The following LATS2 variants were observed in gnomAD, a reference collection of about 807,000 sequenced individuals.
LATS2 encodes large tumor suppressor kinase 2.
A neutral mutation model predicts 76.0 loss-of-function variants in LATS2; 24 were observed. That is an observed-to-expected ratio of 0.32 (90% CI 0.23 to 0.44). LATS2 has a LOEUF of 0.44. LATS2 is among the 20% of genes least tolerant of loss of function. LATS2 has a pLI of 1.00. For synonymous variants in LATS2, 692 were observed against 635.4 expected (o/e 1.09, Z -1.34); for missense variants, 1,286 against 1,481.2 (o/e 0.87, Z 2.16).
chr13:20,977,450 C>G (rs977656931), intron 7 of LATS2, among the ~76,000 whole-genome samples: 2 of 150,070 alleles, frequency 1.3e-5, no homozygotes, highest in Non-Finnish European at 2.9e-5. Flanking sequence ...AGAAGAGAGG[C>G]GAGCAGGTGC....
chr13:21,047,080 G>A (rs1031657310), intron 1 of LATS2, among the ~76,000 whole-genome samples: 1 of 152,078 alleles, frequency 6.6e-6, no homozygotes, highest in Non-Finnish European at 1.5e-5. Context: ...CATGGAACGC[G>A]ATGTCACAAA....
At chr13:20,992,906 G>A (rs1261357006) in intron 2 of LATS2, among the ~76,000 whole-genome samples, 2 of 152,048 alleles carry the variant, frequency 1.3e-5, no homozygotes, top group Non-Finnish European at 2.9e-5. Flanking sequence ...ATGGTGGTGT[G>A]TGCCTGTAGT....
At chr13:21,060,910 T>G (rs71423783) in intron 1 of LATS2, among the ~76,000 whole-genome samples, 103,609 of 150,920 alleles carry the variant, frequency 0.69, 36,688 homozygotes, top group East Asian at 0.86. Flanking sequence ...GAAAAGCCGA[T>G]CCCCCGGAGA....
intron 2 of LATS2, among the ~76,000 whole-genome samples, chr13:21,043,409 G>A (rs940174381): frequency 1.1e-4 from 16 of 151,898 alleles, no homozygotes; most frequent in Admixed American, 1.0e-3. Context: ...AACTCTAAAG[G>A]TACGGTTATC....
At chr13:20,998,425 G>A (rs1465906497) in intron 2 of LATS2, among the ~76,000 whole-genome samples, 1 of 152,190 alleles carries the variant, frequency 6.6e-6, no homozygotes, top group Non-Finnish European at 1.5e-5. Flanking sequence ...AGAAGAGGAT[G>A]AGAGGGGCCA....
chr13:21,004,421 C>T (rs977421998), intron 2 of LATS2, among the ~76,000 whole-genome samples: 21 of 136,538 alleles, frequency 1.5e-4, no homozygotes, highest in Admixed American at 8.6e-4. Flanking sequence ...GCAACAAGAG[C>T]GAAACACTGT....
At chr13:21,036,846 T>C (rs992079536) in intron 2 of LATS2, among the ~76,000 whole-genome samples, 1 of 152,172 alleles carries the variant, frequency 6.6e-6, no homozygotes, top group African/African-American at 2.4e-5. Flanking sequence ...TTCTAGTTTT[T>C]AGTAGTAGTA....
In LATS2 at chr13:20,973,952, A is replaced by G. The variant is rs1262747791; in HGVS notation, c.*918T>C. 4.8e-6 allele frequency: 1 copy of G among 207,264 alleles called. No individual in the cohort carries two copies. Among genetic ancestry groups the G allele is most frequent in the Admixed American group, 6.3e-5 (1 of 15,856 alleles). 12.8% of individuals were successfully genotyped at this position (207,264 alleles called of 1,614,324 possible). On this transcript the variant is annotated 3_prime_UTR_variant, in exon 8 of 8. Coordinates refer to ENST00000382592, the MANE Select transcript of LATS2 (RefSeq NM_014572.3). Reference sequence around the variant, plus strand: ...CCCTTTTGATGTATATAAGTTCAGTATATGACAAATGTTTCAGTTCCCCCC... The same window carrying G: ...CCCTTTTGATGTATATAAGTTCAGTGTATGACAAATGTTTCAGTTCCCCCC...
chr13:20,977,616 TATTA>T (rs1431834195), intron 7 of LATS2, among the ~76,000 whole-genome samples: 1 of 145,852 alleles, frequency 6.9e-6, no homozygotes, highest in Admixed American at 7.0e-5. Flanking sequence ...TTAAAATAAT[TATTA>T]AATAAATGGT....
chr13:20,999,286 G>A (rs932136037), intron 2 of LATS2, among the ~76,000 whole-genome samples: 1 of 152,230 alleles, frequency 6.6e-6, no homozygotes, highest in Non-Finnish European at 1.5e-5. Flanking sequence ...CCCGAACCTT[G>A]GTAAACCAGA....
chr13:20,973,420 T>A lies in LATS2; in HGVS notation c.*1450A>T. ...GAAAATTATGAAGCATCAGATTTTT[T>A]AAAAAGCAAAAAAGAATTGAACTTT... On this transcript the variant is annotated 3_prime_UTR_variant, in exon 8 of 8. Transcript: ENST00000382592. 1.7e-5 allele frequency: 4 copies of A among 232,146 alleles called. No individual in the cohort carries two copies. The highest frequency in any genetic ancestry group is 3.4e-5 in the Non-Finnish European group (4 of 117,268). 14.4% of individuals were successfully genotyped at this position (232,146 alleles called of 1,614,324 possible).
chr13:20,999,544 T>C (rs78812471), intron 2 of LATS2, among the ~76,000 whole-genome samples: 4,193 of 152,156 alleles, frequency 0.028, 194 homozygotes, highest in African/African-American at 0.096. Flanking sequence ...TCAGGGCTCA[T>C]TGCAGCCTGG....
In LATS2 at chr13:20,991,291, G is replaced by GACC; in HGVS notation, c.453_455dup (p.Val152dup). 1 of 1,614,196 alleles carries GACC rather than the reference G, an allele frequency of 6.2e-7. No individual in the cohort carries two copies. The highest frequency in any genetic ancestry group is 8.5e-7 in the Non-Finnish European group (1 of 1,180,038). ...GCTCACCTGGGGAGGTCTGCTTAAT[G>GACC]ACCCGCACAATCTGCTCATTCCTCG... is the stretch of plus-strand genomic sequence containing the variant. On this transcript the variant is annotated inframe_insertion, in exon 3 of 8. Transcript: ENST00000382592. This position sits in a 1 kb window ranked among gnomAD's most constrained non-coding sequence, Gnocchi z 4.9.
chr13:21,000,795 A>G (rs145980105), intron 2 of LATS2, among the ~76,000 whole-genome samples: 2 of 152,354 alleles, frequency 1.3e-5, no homozygotes, highest in East Asian at 3.8e-4. Context: ...CAAAAACAAA[A>G]CAGGCAACTT....
chr13:21,032,517 C>A (rs1872563441), intron 2 of LATS2, among the ~76,000 whole-genome samples: 1 of 152,212 alleles, frequency 6.6e-6, no homozygotes, highest in African/African-American at 2.4e-5. Flanking sequence ...TCGCCCACCT[C>A]AGCCTCCCAA....
chr13:21,006,818 G>C (rs1565951566), intron 2 of LATS2, among the ~76,000 whole-genome samples: 1 of 152,206 alleles, frequency 6.6e-6, no homozygotes, highest in East Asian at 1.9e-4. Flanking sequence ...GTGCATGTTT[G>C]GGGGCTCTGG....
chr13:21,056,153 G>A (rs9552336), intron 1 of LATS2, among the ~76,000 whole-genome samples: 9,723 of 152,054 alleles, frequency 0.064, 925 homozygotes, highest in East Asian at 0.42. Context: ...TTTTGGTGGG[G>A]GGGGCAGGGT....
At chr13:20,976,051 T>C (rs565792800) in intron 7 of LATS2, among the ~76,000 whole-genome samples, 2 of 152,280 alleles carry the variant, frequency 1.3e-5, no homozygotes, top group South Asian at 4.1e-4. Flanking sequence ...AAAAACTTCA[T>C]AGGGAAGAAT....
chr13:21,051,776 G>C (rs1288668989), intron 1 of LATS2, among the ~76,000 whole-genome samples: 2 of 152,200 alleles, frequency 1.3e-5, no homozygotes, highest in Non-Finnish European at 1.5e-5. Flanking sequence ...CTGGGCAACA[G>C]AGGCAGACGG....
Sources: allele counts gnomAD v4.1 joint callset (sites outside exome capture counted in the v4.1 genomes callset), GRCh38; gene constraint gnomAD v4.1.1; non-coding constraint Gnocchi (gnomAD v3.1); transcripts MANE v1.5; gene names NCBI Gene and HGNC (gene_info 2026-07-23, HGNC 2026-07-21).